SLC20A2: variants seen among roughly 807,000 people sequenced by gnomAD.
SLC20A2 encodes solute carrier family 20 member 2, also known as sodium-dependent phosphate transporter 2.
In SLC20A2, 30 loss-of-function variants were observed where a neutral mutation model predicts 61.0. The observed-to-expected ratio is 0.49, with a 90% CI of 0.37 to 0.67. The LOEUF is 0.67. Ranked by LOEUF, SLC20A2 falls within the 30% of genes least tolerant of loss-of-function variation. The probability of loss-of-function intolerance (pLI) is 0.00; values close to 1 mark genes in which losing one functional copy is unlikely to be tolerated. For synonymous variants in SLC20A2, 351 were observed against 353.3 expected (o/e 0.99, Z 0.07); for missense variants, 626 against 866.4 (o/e 0.72, Z 3.48).
chr8:42,458,940 A>AACC (rs1806442839), intron 5 of SLC20A2, among the ~76,000 whole-genome samples: 4 of 104,094 alleles, frequency 3.8e-5, no homozygotes, highest in African/African-American at 1.7e-4. Flanking sequence ...ATAATTTTTA[A>AACC]CCCCCCCCCC....
chr8:42,508,213 C>T (rs1213593249), intron 1 of SLC20A2, among the ~76,000 whole-genome samples: 4 of 150,732 alleles, frequency 2.7e-5, no homozygotes, highest in Admixed American at 6.6e-5. Context: ...GTGGCTCACA[C>T]CTGTAATATA....
intron 1 of SLC20A2, among the ~76,000 whole-genome samples, chr8:42,509,230 T>C (rs1419576995): frequency 6.6e-6 from 1 of 152,218 alleles, no homozygotes; most frequent in Non-Finnish European, 1.5e-5. Flanking sequence ...GTACCTGGTA[T>C]GTAGAAAATG....
intron 10 of SLC20A2, 47 bp downstream of exon 10, chr8:42,428,711 C>T: frequency 1.3e-6 from 2 of 1,554,754 alleles, no homozygotes; most frequent in Non-Finnish European, 1.8e-6. Context: ...TGGCCCTGGA[C>T]CTGTCCCAGC....
At chr8:42,523,486 G>T (rs1431751598) in intron 1 of SLC20A2, among the ~76,000 whole-genome samples, 1 of 152,018 alleles carries the variant, frequency 6.6e-6, no homozygotes, top group African/African-American at 2.4e-5. Flanking sequence ...TTTGAGACAG[G>T]GCTAGTATCT....
At chr8:42,462,860 A>G (rs1358269022) in intron 4 of SLC20A2, 145 bp downstream of exon 4, 6 of 475,172 alleles carry the variant, frequency 1.3e-5, no homozygotes, top group South Asian at 5.4e-5. Flanking sequence ...GCTATTTATA[A>G]TAACATCTGA....
At chr8:42,538,750 A>T (rs896201639) in intron 1 of SLC20A2, among the ~76,000 whole-genome samples, 3 of 152,246 alleles carry the variant, frequency 2.0e-5, no homozygotes, top group Non-Finnish European at 4.4e-5. Context: ...TAGGAAACAC[A>T]TCATTTAAAT....
intron 1 of SLC20A2, among the ~76,000 whole-genome samples, chr8:42,533,158 T>C (rs2923428): frequency 0.69 from 104,177 of 152,074 alleles, 36,535 homozygotes; most frequent in African/African-American, 0.84. Flanking sequence ...TTATATTTCT[T>C]CCTGCTGGTT....
At chr8:42,426,532 C>G (rs925725583) in intron 10 of SLC20A2, among the ~76,000 whole-genome samples, 3 of 152,134 alleles carry the variant, frequency 2.0e-5, no homozygotes, top group Admixed American at 6.6e-5. Flanking sequence ...CATGTCTCTA[C>G]TAAAAATACA....
Position 42,460,013 on chromosome 8 carries a change from A to G in SLC20A2, c.517-21T>C, listed in dbSNP as rs376542355. 19 of 1,387,664 alleles carry G rather than the reference A, an allele frequency of 1.4e-5. No individual in the cohort carries two copies. The African/African-American group carries it at 2.1e-4, about 15-fold the overall frequency. The allele number at this position is 1,387,664 out of a possible 1,614,324, so 86.0% of individuals were successfully genotyped here. A position where few individuals can be genotyped will look rare whatever the true frequency, so the allele number is the denominator to read the frequency against. On this transcript the variant is annotated intron_variant, in intron 4 of 10. Coordinates refer to ENST00000520262, the MANE Select transcript of SLC20A2 (RefSeq NM_001257180.2). ...TCTTCCTGTAGGAAGACAAGGAGAC[A>G]GAGTGGAAGGTCAGGATCCCAGCAG...
chr8:42,526,412 G>A (rs1338850196), intron 1 of SLC20A2, among the ~76,000 whole-genome samples: 2 of 151,546 alleles, frequency 1.3e-5, no homozygotes, highest in East Asian at 3.9e-4. Context: ...GGTGGCTCAC[G>A]CCTGTAATCC....
intron 1 of SLC20A2, among the ~76,000 whole-genome samples, chr8:42,516,796 C>G (rs1410558239): frequency 1.3e-5 from 2 of 152,176 alleles, no homozygotes. Flanking sequence ...AACTGTGGTT[C>G]AGAGACTTAA....
At chr8:42,465,711 T>C in intron 3 of SLC20A2, 66 bp downstream of exon 3, 1 of 1,466,240 alleles carries the variant, frequency 6.8e-7, no homozygotes, top group Non-Finnish European at 9.1e-7. Flanking sequence ...AAAAGTAACT[T>C]GTAATAAAAC....
intron 6 of SLC20A2, among the ~76,000 whole-genome samples, chr8:42,440,990 G>T (rs1303934820): frequency 6.6e-6 from 1 of 151,950 alleles, no homozygotes; most frequent in Non-Finnish European, 1.5e-5. Context: ...TAGCTGAGAC[G>T]GGGTTTCACC....
At chr8:42,538,126 C>A (rs946064539) in intron 1 of SLC20A2, 1 of 151,944 alleles carries the variant, frequency 6.6e-6, no homozygotes, top group Non-Finnish European at 1.5e-5. Context: ...GTTTGCCTAA[C>A]TAAAATATAA....
At chr8:42,461,714 A>T (rs1333944679) in intron 4 of SLC20A2, among the ~76,000 whole-genome samples, 3 of 152,078 alleles carry the variant, frequency 2.0e-5, no homozygotes, top group African/African-American at 7.2e-5. Flanking sequence ...GGCCTAAAAT[A>T]ACTTAGTCTT....
At chr8:42,506,340 T>A (rs1186161957) in intron 1 of SLC20A2, among the ~76,000 whole-genome samples, 1 of 152,224 alleles carries the variant, frequency 6.6e-6, no homozygotes, top group African/African-American at 2.4e-5. Flanking sequence ...GCAATTGAGC[T>A]CACCTCTGTG....
At position 42,472,049 on chromosome 8, in the gene SLC20A2, G is replaced by A. The variant is rs1489767495; in HGVS notation, c.289+53C>T. The A allele has an allele frequency of 6.5e-7, 1 of 1,535,440 alleles. No individual in the cohort carries two copies. Among genetic ancestry groups the A allele is most frequent in the African/African-American group, 1.4e-5 (1 of 73,150 alleles). On this transcript the variant is annotated intron_variant, in intron 2 of 10. Coordinates refer to ENST00000520262, the MANE Select transcript of SLC20A2 (RefSeq NM_001257180.2). The surrounding 1 kb of genome is among the most constrained non-coding windows in gnomAD (Gnocchi z 4.1). ...TATGGATATGGGCAAAGTACTGCAG[G>A]GAAGCGGGTCAGTGGGCGGATGTCC... is the stretch of plus-strand genomic sequence containing the variant.
chr8:42,483,647 A>G (rs1808724775), intron 1 of SLC20A2, among the ~76,000 whole-genome samples: 1 of 152,222 alleles, frequency 6.6e-6, no homozygotes, highest in African/African-American at 2.4e-5. Flanking sequence ...TATGCACTAT[A>G]AATGGATTCC....
At chr8:42,441,142 CT>C (rs112150338) in intron 6 of SLC20A2, among the ~76,000 whole-genome samples, 2,507 of 125,560 alleles carry the variant, frequency 0.02, 55 homozygotes, top group African/African-American at 0.064. Context: ...ATATTTTGCT[CT>C]TTTTTTTTTT....
Sources: allele counts gnomAD v4.1 joint callset (sites outside exome capture counted in the v4.1 genomes callset), GRCh38; gene constraint gnomAD v4.1.1; non-coding constraint Gnocchi (gnomAD v3.1); transcripts MANE v1.5; gene names NCBI Gene and HGNC (gene_info 2026-07-23, HGNC 2026-07-21).